Variants in DAB2IP observed in about 807,000 individuals in gnomAD.
The protein encoded by DAB2IP is disabled homolog 2-interacting protein.
A neutral mutation model predicts 107.2 loss-of-function variants in DAB2IP; 28 were observed. The ratio of observed to expected loss-of-function variants is 0.26; its 90% CI spans 0.19 to 0.36. The LOEUF is 0.36. DAB2IP is among the 10% of genes least tolerant of loss of function. The pLI is 1.00. For synonymous variants in DAB2IP, 755 were observed against 706.4 expected, an observed-to-expected ratio of 1.07 and a Z score of -1.09; for missense variants, 1,400 against 1,644.7, an observed-to-expected ratio of 0.85 and a Z score of 2.57.
At chr9:121,725,260 C>T (rs996533418) in intron 3 of DAB2IP, among the ~76,000 whole-genome samples, 4 of 152,176 alleles carry the variant, frequency 2.6e-5, no homozygotes, top group Non-Finnish European at 1.5e-5. Context: ...ACTTCATCTC[C>T]TGTGATTCTC....
chr9:121,752,289 G>A (rs550666415), intron 3 of DAB2IP, among the ~76,000 whole-genome samples: 1 of 152,150 alleles, frequency 6.6e-6, no homozygotes, highest in Non-Finnish European at 1.5e-5. Flanking sequence ...ACGTCACCAG[G>A]GTTTGCAGGC....
At chr9:121,577,168 G>T (rs1185678269) in intron 1 of DAB2IP, among the ~76,000 whole-genome samples, 1 of 152,216 alleles carries the variant, frequency 6.6e-6, no homozygotes, top group Non-Finnish European at 1.5e-5. Context: ...AGAAGAAGCT[G>T]CATGGACAAG....
At position 121,763,488 on chromosome 9, in the gene DAB2IP, A is replaced by G. The variant is rs1587978468; in HGVS notation, c.1171-17A>G. On this transcript the variant is annotated splice_polypyrimidine_tract_variant and intron_variant, in intron 6 of 15. Transcript: ENST00000408936. The stretch of plus-strand genomic sequence containing the variant: ...GGCCAGCTCAGGTCCTGCTCTCTCC[A>G]CCTCCTGCCTCCCCAGGACTTCCTG... 12 of 1,605,228 alleles carry G rather than the reference A, an allele frequency of 7.5e-6. No individual in the cohort carries two copies. Among genetic ancestry groups the G allele is most frequent in the Non-Finnish European group, 9.4e-6 (11 of 1,175,908 alleles).
At chr9:121,769,237 C>G (rs893392529) in intron 10 of DAB2IP, among the ~76,000 whole-genome samples, 2 of 152,208 alleles carry the variant, frequency 1.3e-5, no homozygotes, top group African/African-American at 4.8e-5. Context: ...GACCACCTTA[C>G]TTTTGTAAGG....
intron 2 of DAB2IP, among the ~76,000 whole-genome samples, chr9:121,683,631 T>C (rs1335727482): frequency 2.6e-5 from 4 of 152,110 alleles, no homozygotes; most frequent in Non-Finnish European, 4.4e-5. Flanking sequence ...AAACTCAACA[T>C]TGGGTTGATT....
chr9:121,772,505 GCCC>G lies in DAB2IP; in HGVS notation c.2079-100_2079-98del. On this transcript the variant is annotated intron_variant, in intron 11 of 15. Coordinates refer to ENST00000408936, the Ensembl canonical transcript of DAB2IP. The surrounding 1 kb of genome is among the most constrained non-coding windows in gnomAD (Gnocchi z 4.7). The stretch of plus-strand genomic sequence containing the variant: ...CCCCAGCGCTGGCTCAGGCTGCCAG[GCCC>G]CGGCAGGTTGGCGGGTGCTGTCGGT... The G allele has an allele frequency of 1.5e-6, 2 of 1,328,684 alleles. No individual in the cohort carries two copies. Among genetic ancestry groups the G allele is most frequent in the Non-Finnish European group, 1.0e-6 (1 of 957,628 alleles). 82.3% of individuals were successfully genotyped at this position (1,328,684 alleles called of 1,614,324 possible).
chr9:121,742,753 G>T (rs1832445744), intron 3 of DAB2IP: 1 of 985,604 alleles, frequency 1.0e-6, no homozygotes, highest in Non-Finnish European at 1.2e-6. Flanking sequence ...CCCTCTGACT[G>T]CCCGCTTTTC....
intron 7 of DAB2IP, 42 bp downstream of exon 7, chr9:121,763,691 C>T: frequency 1.9e-6 from 3 of 1,611,456 alleles, no homozygotes; most frequent in Non-Finnish European, 2.5e-6. Flanking sequence ...TGGGGCAGGG[C>T]CCGCCAGGTC....
At chr9:121,669,190 C>G (rs1420118728) in intron 1 of DAB2IP, among the ~76,000 whole-genome samples, 1 of 152,102 alleles carries the variant, frequency 6.6e-6, no homozygotes, top group East Asian at 1.9e-4. Flanking sequence ...CCTTGGCCTC[C>G]CAAAGTGCTG....
intron 1 of DAB2IP, among the ~76,000 whole-genome samples, chr9:121,595,497 G>A (rs893992440): frequency 1.3e-5 from 2 of 151,904 alleles, no homozygotes; most frequent in Non-Finnish European, 2.9e-5. Flanking sequence ...TAGCTACTCA[G>A]GATGCTGAGG....
chr9:121,571,469 C>G (rs1489067284), intron 1 of DAB2IP, among the ~76,000 whole-genome samples: 3 of 152,142 alleles, frequency 2.0e-5, no homozygotes, highest in Non-Finnish European at 2.9e-5. Context: ...GGAGCATTCT[C>G]TGATACTTAC....
intron 1 of DAB2IP, among the ~76,000 whole-genome samples, chr9:121,601,532 T>C (rs1301817167): frequency 6.6e-6 from 1 of 152,204 alleles, no homozygotes; most frequent in Non-Finnish European, 1.5e-5. Context: ...CTGTCTCAAT[T>C]ATTCACTGTG....
intron 3 of DAB2IP, among the ~76,000 whole-genome samples, chr9:121,714,247 C>T (rs1000845159): frequency 1.3e-5 from 2 of 152,188 alleles, no homozygotes; most frequent in Non-Finnish European, 2.9e-5. Flanking sequence ...GACATTTCTC[C>T]CACTTAGAAA....
Position 121,661,370 on chromosome 9 carries a change from A to G in DAB2IP, c.124+9471A>G, listed in dbSNP as rs539372828. 5.3e-5 allele frequency among the ~76,000 whole-genome samples: 8 copies of G among 152,210 alleles called. No homozygotes were observed. The South Asian group carries it at 1.0e-3, about 20-fold the overall frequency. On this transcript the variant is annotated intron_variant, in intron 1 of 15. Transcript: ENST00000408936. Reference sequence around the variant, plus strand: ...CAATACAGTCATGGTTCCACCTGGTATCTAGAAACCTGTTCACAATTGTAG... The same window carrying G: ...CAATACAGTCATGGTTCCACCTGGTGTCTAGAAACCTGTTCACAATTGTAG...
At chr9:121,654,869 A>G (rs1192619573) in intron 1 of DAB2IP, among the ~76,000 whole-genome samples, 1 of 152,184 alleles carries the variant, frequency 6.6e-6, no homozygotes, top group African/African-American at 2.4e-5. Context: ...GGGAAGGAAA[A>G]TGACCAAGAA....
At chr9:121,757,564 T>G (rs941420325) in intron 4 of DAB2IP, among the ~76,000 whole-genome samples, 6 of 150,620 alleles carry the variant, frequency 4.0e-5, no homozygotes, top group Admixed American at 2.0e-4. Flanking sequence ...TTTCCCACTG[T>G]GAACAATGAG....
chr9:121,645,301 G>A (rs993787644), intron 1 of DAB2IP, among the ~76,000 whole-genome samples: 1 of 152,206 alleles, frequency 6.6e-6, no homozygotes, highest in Non-Finnish European at 1.5e-5. Context: ...GGGTGAGGAA[G>A]GAGGGCTGGG....
chr9:121,603,352 G>T (rs1021709496), intron 1 of DAB2IP, among the ~76,000 whole-genome samples: 3 of 152,168 alleles, frequency 2.0e-5, no homozygotes, highest in Non-Finnish European at 2.9e-5. Flanking sequence ...CACAATTCTG[G>T]CCTACCAGCT....
chr9:121,655,541 T>TG (rs1268857167), intron 1 of DAB2IP, among the ~76,000 whole-genome samples: 1 of 152,134 alleles, frequency 6.6e-6, no homozygotes, highest in Non-Finnish European at 1.5e-5. Context: ...GCCAGCTTGT[T>TG]GGGGTGCACT....
Sources: gnomAD v4.1 joint callset for allele counts (sites outside exome capture counted in the v4.1 genomes callset) on GRCh38, gnomAD v4.1.1 for gene constraint, Gnocchi (gnomAD v3.1) non-coding constraint, MANE v1.5 for transcripts, NCBI Gene and HGNC (gene_info 2026-07-23, HGNC 2026-07-21) for gene names.